Variants in GPC6 observed in about 807,000 individuals in gnomAD.
GPC6 encodes the protein glypican-6.
Under a neutral mutation model 55.2 loss-of-function variants are expected in GPC6, and 14 were observed. That is an observed-to-expected ratio of 0.25 (90% CI 0.17 to 0.40). The LOEUF (loss-of-function observed/expected upper bound fraction) is 0.40, where lower values mean the gene tolerates loss of function less well. Ranked by LOEUF, GPC6 falls within the 10% of genes least tolerant of loss-of-function variation. The pLI, the probability that GPC6 is intolerant of heterozygous loss-of-function variation, is 1.00. For missense variants in GPC6, 641 were observed against 708.5 expected (o/e 0.90, Z 1.08); for synonymous variants, 278 against 259.6 (o/e 1.07, Z -0.68).
chr13:93,721,961 T>C (rs1883469979), intron 2 of GPC6, among the ~76,000 whole-genome samples: 1 of 151,802 alleles, frequency 6.6e-6, no homozygotes, highest in South Asian at 2.1e-4. Flanking sequence ...TTCTAAGTAA[T>C]GTTTTCAGAT....
intron 1 of GPC6, among the ~76,000 whole-genome samples, chr13:93,325,733 AAG>A (rs890299880): frequency 2.0e-5 from 3 of 152,054 alleles, no homozygotes; most frequent in South Asian, 2.1e-4. Context: ...AGAAAAAAGA[AAG>A]AGAGAAAAAA....
intron 2 of GPC6, among the ~76,000 whole-genome samples, chr13:93,614,251 G>A (rs1330191908): frequency 1.3e-5 from 2 of 152,030 alleles, no homozygotes; most frequent in African/African-American, 4.8e-5. Flanking sequence ...ATGACAATAC[G>A]CTAGGCCATA....
chr13:94,028,398 T>C (rs1048755465), intron 4 of GPC6, among the ~76,000 whole-genome samples: 1 of 152,150 alleles, frequency 6.6e-6, no homozygotes, highest in African/African-American at 2.4e-5. Context: ...CTGTTAAAGA[T>C]TGTGCAACCC....
chr13:93,391,866 G>T (rs560777121), intron 1 of GPC6, among the ~76,000 whole-genome samples: 1 of 152,146 alleles, frequency 6.6e-6, no homozygotes, highest in South Asian at 2.1e-4. Flanking sequence ...TTTTCCTATA[G>T]ATGGACCCTC....
intron 1 of GPC6, among the ~76,000 whole-genome samples, chr13:93,452,934 G>A (rs1468237284): frequency 6.6e-6 from 1 of 152,180 alleles, no homozygotes; most frequent in Non-Finnish European, 1.5e-5. Flanking sequence ...CCCAATTCCT[G>A]TAATGTGCCA....
chr13:94,254,714 C>T (rs570804806), intron 4 of GPC6, among the ~76,000 whole-genome samples: 5 of 152,090 alleles, frequency 3.3e-5, no homozygotes, highest in African/African-American at 1.2e-4. Flanking sequence ...TCAAAAAAAT[C>T]TCTTTTTTGG....
chr13:93,245,833 T>A (rs540782171), intron 1 of GPC6, among the ~76,000 whole-genome samples: 1 of 152,308 alleles, frequency 6.6e-6, no homozygotes, highest in Non-Finnish European at 1.5e-5. Flanking sequence ...CTAGGGGGAC[T>A]AAGGAAAAGA....
chr13:93,994,142 T>C (rs1881434071), intron 3 of GPC6, among the ~76,000 whole-genome samples: 2 of 152,192 alleles, frequency 1.3e-5, no homozygotes, highest in African/African-American at 4.8e-5. Context: ...AAATAAATTA[T>C]AATTTTTTCA....
chr13:94,397,427 G>A (rs1433473680), intron 7 of GPC6, among the ~76,000 whole-genome samples: 1 of 152,086 alleles, frequency 6.6e-6, no homozygotes, highest in African/African-American at 2.4e-5. Context: ...TGGTACAAGG[G>A]AAAGAAATGT....
At chr13:93,692,465 T>C (rs1475310635) in intron 2 of GPC6, among the ~76,000 whole-genome samples, 1 of 152,106 alleles carries the variant, frequency 6.6e-6, no homozygotes, top group Admixed American at 6.6e-5. Flanking sequence ...ACACTGTTGA[T>C]AGTGAATGGC....
chr13:93,898,151 T>G (rs1034014384), intron 3 of GPC6, among the ~76,000 whole-genome samples: 12 of 152,164 alleles, frequency 7.9e-5, no homozygotes, highest in African/African-American at 2.9e-4. Context: ...AGTGACTGGC[T>G]TATTGGATCA....
At chr13:93,831,114 G>C (rs983812104) in intron 3 of GPC6, among the ~76,000 whole-genome samples, 3 of 152,174 alleles carry the variant, frequency 2.0e-5, no homozygotes, top group Admixed American at 2.0e-4. Context: ...ACCAAGTATA[G>C]ATTCTCCTAG....
intron 4 of GPC6, among the ~76,000 whole-genome samples, chr13:94,159,471 G>T (rs1888078792): frequency 6.6e-6 from 1 of 152,100 alleles, no homozygotes; most frequent in Non-Finnish European, 1.5e-5. Context: ...AAGTGAAAGA[G>T]GAAACCCCTT....
At chr13:93,825,667 C>T (rs1887204836) in intron 2 of GPC6, among the ~76,000 whole-genome samples, 1 of 151,994 alleles carries the variant, frequency 6.6e-6, no homozygotes, top group African/African-American at 2.4e-5. Flanking sequence ...AGCAAGATGC[C>T]TTTTGAAAGG....
At chr13:93,603,704 A>G (rs1878120252) in intron 2 of GPC6, among the ~76,000 whole-genome samples, 1 of 152,216 alleles carries the variant, frequency 6.6e-6, no homozygotes, top group African/African-American at 2.4e-5. Flanking sequence ...TTTCAAACCT[A>G]AGCATGCATA....
upstream of GPC6, among the ~76,000 whole-genome samples, chr13:93,223,018 A>ATTTTTTTTTTTTTTTTTTT (rs1875661668): frequency 8.3e-5 from 4 of 48,286 alleles, no homozygotes; most frequent in African/African-American, 2.9e-4. Flanking sequence ...CAGGGAAAAC[A>ATTTTTTTTTTTTTTTTTTT]CTTTTTTTTT....
At chr13:93,281,721 G>T (rs1414843527) in intron 1 of GPC6, among the ~76,000 whole-genome samples, 1 of 152,182 alleles carries the variant, frequency 6.6e-6, no homozygotes, top group Non-Finnish European at 1.5e-5. Context: ...GGAGGCTGAG[G>T]CAGGAGAATT....
chr13:93,901,502 A>G (rs1444039620), intron 3 of GPC6, among the ~76,000 whole-genome samples: 3 of 152,194 alleles, frequency 2.0e-5, no homozygotes, highest in Non-Finnish European at 4.4e-5. Context: ...TATTTTTAAT[A>G]CTGATTTTGT....
chr13:94,278,733 T>C (rs1474022003), intron 4 of GPC6, among the ~76,000 whole-genome samples: 5 of 152,226 alleles, frequency 3.3e-5, no homozygotes, highest in Admixed American at 6.5e-5. Flanking sequence ...TGTGATGGAT[T>C]ACATATATTG....
Sources: gnomAD v4.1 joint callset for allele counts (sites outside exome capture counted in the v4.1 genomes callset) on GRCh38, gnomAD v4.1.1 for gene constraint, MANE v1.5 for transcripts, NCBI Gene and HGNC (gene_info 2026-07-23, HGNC 2026-07-21) for gene names.